The following NEXMIF variants were observed in gnomAD, a reference collection of about 807,000 sequenced individuals.
NEXMIF encodes XLMR protein related to neurite extension.
NEXMIF carries 8 observed loss-of-function variants against 62.1 expected under a neutral mutation model. The observed-to-expected ratio is 0.13, with a 90% CI of 0.08 to 0.23. The LOEUF (loss-of-function observed/expected upper bound fraction) is 0.23, where lower values mean the gene tolerates loss of function less well. NEXMIF is among the 10% of genes least tolerant of loss of function. NEXMIF has a pLI of 1.00. For missense variants in NEXMIF, 976 were observed against 1,113.3 expected, an observed-to-expected ratio of 0.88 and a Z score of 1.75; for synonymous variants, 404 against 416.6, an observed-to-expected ratio of 0.97 and a Z score of 0.37.
chrX:74,899,966 A>G (rs1054277089), intron 1 of NEXMIF, among the ~76,000 whole-genome samples: 14 of 112,143 alleles, frequency 1.2e-4, no homozygotes, highest in Non-Finnish European at 2.1e-4. Flanking sequence ...TCTAGAATAT[A>G]TAAAGAGCTC....
At chrX:74,844,694 C>G (rs771230998) in intron 1 of NEXMIF, among the ~76,000 whole-genome samples, 51 of 111,757 alleles carry the variant, frequency 4.6e-4, no homozygotes, top group Non-Finnish European at 7.9e-4. Context: ...CAAATCGTCT[C>G]TATACTTTTG....
intron 1 of NEXMIF, among the ~76,000 whole-genome samples, chrX:74,883,701 A>G (rs2080676666): frequency 8.9e-6 from 1 of 112,259 alleles, no homozygotes; most frequent in Non-Finnish European, 1.9e-5. Flanking sequence ...GGCAGAATGG[A>G]ACCAAGCTGG....
At chrX:74,880,170 C>T (rs763678278) in intron 1 of NEXMIF, among the ~76,000 whole-genome samples, 1 of 112,197 alleles carries the variant, frequency 8.9e-6, no homozygotes, top group African/African-American at 3.2e-5. Flanking sequence ...GAGGACTACT[C>T]ATTTCCACAT....
chrX:74,856,883 C>G (rs1602252701), intron 1 of NEXMIF, among the ~76,000 whole-genome samples: 1 of 103,599 alleles, frequency 9.7e-6, no homozygotes, highest in Non-Finnish European at 2.0e-5. Flanking sequence ...AATTGTGAGA[C>G]TGCATTAAAC....
At chrX:74,843,630 G>A (rs773854003) in intron 1 of NEXMIF, among the ~76,000 whole-genome samples, 2 of 110,996 alleles carry the variant, frequency 1.8e-5, no homozygotes, top group Non-Finnish European at 3.8e-5. Flanking sequence ...TAGGGAGGAT[G>A]GTGTTGATCT....
intron 1 of NEXMIF, among the ~76,000 whole-genome samples, chrX:74,835,902 C>A (rs2080454783): frequency 8.9e-6 from 1 of 112,022 alleles, no homozygotes; most frequent in Admixed American, 9.4e-5. Flanking sequence ...GTCTGGGTGC[C>A]AGGGATTGGA....
chrX:74,788,463 G>A (rs1320692986), intron 1 of NEXMIF, among the ~76,000 whole-genome samples: 3 of 111,060 alleles, frequency 2.7e-5, no homozygotes, highest in Non-Finnish European at 3.8e-5. Context: ...GCATGAATGG[G>A]CAGGTATTAT....
intron 1 of NEXMIF, among the ~76,000 whole-genome samples, chrX:74,748,077 T>A (rs1435822940): frequency 3.6e-5 from 4 of 112,228 alleles, no homozygotes; most frequent in Non-Finnish European, 7.5e-5. Context: ...GTAAAGGGAA[T>A]CTTATAAGGT....
chrX:74,861,538 A>G (rs1432410313), intron 1 of NEXMIF, among the ~76,000 whole-genome samples: 1 of 111,680 alleles, frequency 9.0e-6, no homozygotes, highest in Non-Finnish European at 1.9e-5. Flanking sequence ...CCCAAGACAC[A>G]TAATCATCAG....
At chrX:74,840,301 C>A (rs1471575121) in intron 1 of NEXMIF, among the ~76,000 whole-genome samples, 3 of 111,420 alleles carry the variant, frequency 2.7e-5, no homozygotes, top group African/African-American at 9.8e-5. Context: ...CCTATAGATG[C>A]TGATTATGAG....
At position 74,890,306 on chromosome X, in the gene NEXMIF, C is replaced by G. The variant is rs1030148007; in HGVS notation, c.-48+34577G>C. On this transcript the variant is annotated intron_variant, in intron 1 of 3. Coordinates refer to ENST00000055682, the MANE Select transcript of NEXMIF (RefSeq NM_001008537.3). ...GTATTAAAACTGAATACCTATATAC[C>G]TTTATTAATTAGGTACAACTTTATT... 2.7e-5 allele frequency among the ~76,000 whole-genome samples: 3 copies of G among 110,318 alleles called. No homozygotes were observed. The Admixed American group carries it at 2.9e-4, about 11-fold the overall frequency.
chrX:74,863,242 C>T (rs1160453163), intron 1 of NEXMIF, among the ~76,000 whole-genome samples: 1 of 108,142 alleles, frequency 9.2e-6, no homozygotes, highest in Non-Finnish European at 1.9e-5. Context: ...CAAGAGCAAA[C>T]AAACTTCAAA....
chrX:74,921,782 C>G (rs1189580209), intron 1 of NEXMIF, among the ~76,000 whole-genome samples: 9 of 111,381 alleles, frequency 8.1e-5, no homozygotes, highest in African/African-American at 2.6e-4. Flanking sequence ...AACAAGGAAG[C>G]CAAATGACCT....
chrX:74,769,635 T>C, intron 1 of NEXMIF: 1 of 629,269 alleles, frequency 1.6e-6, no homozygotes, highest in Admixed American at 2.3e-5. Context: ...TCAGTCACGG[T>C]ATCCGAACTT....
At chrX:74,916,869 T>C (rs1271402796) in intron 1 of NEXMIF, among the ~76,000 whole-genome samples, 1 of 111,475 alleles carries the variant, frequency 9.0e-6, no homozygotes, top group Non-Finnish European at 1.9e-5. Context: ...TAATTCCCTA[T>C]GAGACAGAAA....
intron 1 of NEXMIF, among the ~76,000 whole-genome samples, chrX:74,919,945 G>T (rs767554454): frequency 2.7e-5 from 3 of 111,011 alleles, no homozygotes; most frequent in Non-Finnish European, 5.7e-5. Flanking sequence ...TCCCTACAAA[G>T]GACATGAACT....
intron 1 of NEXMIF, among the ~76,000 whole-genome samples, chrX:74,767,630 G>A (rs995775339): frequency 3.6e-5 from 4 of 111,857 alleles, no homozygotes; most frequent in African/African-American, 1.3e-4. Flanking sequence ...TCCCAGGGAG[G>A]CTCAGAACCA....
At chrX:74,909,537 G>A (rs2080780807) in intron 1 of NEXMIF, among the ~76,000 whole-genome samples, 1 of 111,972 alleles carries the variant, frequency 8.9e-6, no homozygotes, top group Admixed American at 9.4e-5. Flanking sequence ...TAAACGTTCA[G>A]ATAATTTGTA....
chrX:74,891,475 A>G (rs1459923883), intron 1 of NEXMIF, among the ~76,000 whole-genome samples: 1 of 112,019 alleles, frequency 8.9e-6, no homozygotes, highest in Non-Finnish European at 1.9e-5. Context: ...ATGGCAGTGC[A>G]TGGCAACATA....
Sources: gnomAD v4.1 joint callset for allele counts (sites outside exome capture counted in the v4.1 genomes callset) on GRCh38, gnomAD v4.1.1 for gene constraint, MANE v1.5 for transcripts, NCBI Gene and HGNC (gene_info 2026-07-23, HGNC 2026-07-21) for gene names.